Variants in MTMR14 observed in about 807,000 individuals in gnomAD.
MTMR14 encodes myotubularin related protein 14, also known as phosphatidylinositol-3,5-bisphosphate 3-phosphatase MTMR14.
In MTMR14, 48 loss-of-function variants were observed where a neutral mutation model predicts 86.3. The observed-to-expected ratio is 0.56, with a 90% confidence interval of 0.44 to 0.71. The LOEUF is 0.71. Among genes scored for constraint, MTMR14 ranks in the 30% least tolerant of loss-of-function variants. The probability of loss-of-function intolerance (pLI) is 0.00; values close to 1 mark genes in which losing one functional copy is unlikely to be tolerated. For missense variants in MTMR14, 780 were observed against 834.6 expected (o/e 0.93, Z 0.81); for synonymous variants, 366 against 326.1 (o/e 1.12, Z -1.32).
intron 18 of MTMR14, 56 bp downstream of exon 18, chr3:9,697,922 G>A (rs1363469051): frequency 2.5e-6 from 4 of 1,608,760 alleles, no homozygotes; most frequent in African/African-American, 1.3e-5. Flanking sequence ...AAAAGCTGGT[G>A]AGCAGTCAGG....
chr3:9,697,441 C>T (rs765390266), intron 17 of MTMR14, among the ~76,000 whole-genome samples: 1 of 152,154 alleles, frequency 6.6e-6, no homozygotes, highest in African/African-American at 2.4e-5. Flanking sequence ...GCTGTGGCTC[C>T]GATTCACTCT....
rs373260621 is a variant in MTMR14 at position 9,653,605 on chromosome 3, C to A, written c.160-16C>A. 8 of 1,613,936 alleles carry A rather than the reference C, an allele frequency of 5.0e-6. No individual in the cohort carries two copies. In the African/African-American group the frequency reaches 1.1e-4, roughly 22 times the overall value. ...CCCAGAATTCTCTTTGTGTTCTGGT[C>A]TCCTTCTCTGTGCAGGTTGAGCGCA... On this transcript the variant is annotated splice_polypyrimidine_tract_variant and intron_variant, in intron 1 of 18. Coordinates refer to ENST00000296003, the MANE Select transcript of MTMR14 (RefSeq NM_001077525.3).
At chr3:9,684,513 T>A in intron 10 of MTMR14, 72 bp from the exon 11 acceptor site, 1 of 1,475,962 alleles carries the variant, frequency 6.8e-7, no homozygotes. Flanking sequence ...CAGGCCAAGC[T>A]GGTGGTACTT....
At chr3:9,694,111 T>G (rs1008732149) in intron 17 of MTMR14, among the ~76,000 whole-genome samples, 2 of 152,176 alleles carry the variant, frequency 1.3e-5, no homozygotes, top group African/African-American at 4.8e-5. Context: ...TGTGCTTTAC[T>G]CCCGTTGGAG....
At chr3:9,668,688 T>A (rs763916493) in intron 3 of MTMR14, 31 bp from the exon 4 acceptor site, 1 of 1,612,790 alleles carries the variant, frequency 6.2e-7, no homozygotes, top group Non-Finnish European at 8.5e-7. Context: ...CAGAAAACCA[T>A]CTGACCGTGA....
chr3:9,697,004 A>C (rs1261546454), intron 17 of MTMR14, among the ~76,000 whole-genome samples: 1 of 151,958 alleles, frequency 6.6e-6, no homozygotes, highest in African/African-American at 2.4e-5. Flanking sequence ...TTCCCAGCAC[A>C]ACCTTCTTCC....
At chr3:9,658,583 A>G (rs1432818157) in intron 2 of MTMR14, among the ~76,000 whole-genome samples, 1 of 152,214 alleles carries the variant, frequency 6.6e-6, no homozygotes, top group African/African-American at 2.4e-5. Flanking sequence ...GGTTAAAACC[A>G]TGGGCCCAGT....
chr3:9,654,232 C>T (rs1365702326), intron 2 of MTMR14, among the ~76,000 whole-genome samples: 1 of 152,228 alleles, frequency 6.6e-6, no homozygotes, highest in African/African-American at 2.4e-5. Context: ...GGGCAAGTTA[C>T]TTAACTGCTT....
intron 1 of MTMR14, among the ~76,000 whole-genome samples, chr3:9,650,809 A>G (rs1305126425): frequency 6.7e-6 from 1 of 149,218 alleles, no homozygotes; most frequent in Non-Finnish European, 1.5e-5. Flanking sequence ...TTCTTTTGAG[A>G]AGGAGTCTCG....
chr3:9,689,376 T>G (rs567581322), intron 16 of MTMR14, among the ~76,000 whole-genome samples: 2 of 152,138 alleles, frequency 1.3e-5, no homozygotes, highest in East Asian at 3.9e-4. Context: ...GGAGCTCCAT[T>G]TTATCATTTG....
In MTMR14 at chr3:9,662,349, T is replaced by C; in HGVS notation, c.391T>C (p.Cys131Arg). Residue 131 changes from cysteine to arginine, a missense_variant, in exon 3 of 19, where the codon TGC (cysteine) becomes CGC (arginine). By Grantham distance (180) the Cys-to-Arg change is radical. Transcript: ENST00000296003. Reference protein sequence around the residue: ...KMARCRGRFVCPVILFKGKHI... With the variant: ...KMARCRGRFVRPVILFKGKHI... Reference sequence around the variant, plus strand: ...GGCCCGGTGCAGAGGACGGTTTGTCTGCCCAGTAATCCTGTTCAAGGGCAA... The same window carrying C: ...GGCCCGGTGCAGAGGACGGTTTGTCCGCCCAGTAATCCTGTTCAAGGGCAA... 6.2e-7 allele frequency: 1 copy of C among 1,613,840 alleles called. No individual in the cohort carries two copies. The highest frequency in any genetic ancestry group is 1.7e-5 in the Admixed American group (1 of 59,940).
rs773325723 is a variant in MTMR14, at chr3:9,684,693, C to A, written c.1050+23C>A. Reference sequence around the variant, plus strand: ...GCTGTGAGTATGAATCGGCCCCTACCAAGCTCTGCTCTTTGGGTGTGTTAG... The same window carrying A: ...GCTGTGAGTATGAATCGGCCCCTACAAAGCTCTGCTCTTTGGGTGTGTTAG... On this transcript the variant is annotated intron_variant, in intron 11 of 18. Coordinates refer to ENST00000296003, the MANE Select transcript of MTMR14 (RefSeq NM_001077525.3). The A allele has an allele frequency of 5.0e-6, 8 of 1,612,248 alleles. No individual in the cohort carries two copies. In the African/African-American group the frequency reaches 1.1e-4, roughly 22 times the overall value.
chr3:9,653,685 C>G lies in MTMR14; in HGVS notation c.224C>G (p.Pro75Arg), dbSNP rs1191985093. The G allele has an allele frequency of 6.2e-7, 1 of 1,614,120 alleles. No homozygotes were observed. The highest frequency in any genetic ancestry group is 1.3e-5 in the African/African-American group (1 of 75,002). Residue 75 changes from proline (P) to arginine (R), a missense_variant, in exon 2 of 19, where the codon CCA becomes CGA. By Grantham distance (103) the Pro-to-Arg change is moderately radical. Coordinates refer to ENST00000296003, the MANE Select transcript of MTMR14 (RefSeq NM_001077525.3). ...FGRDYCFSVI[P>R]NTNGDICGHY... is the part of the protein sequence containing the mutation. ...CGAGACTACTGTTTCAGCGTGATTCCAAACACGAATGGGGATATCTGTGGC... is the reference window on the plus strand; with the variant it reads ...CGAGACTACTGTTTCAGCGTGATTCGAAACACGAATGGGGATATCTGTGGC...
chr3:9,675,683 T>G (rs1304835057), intron 7 of MTMR14: 2 of 457,268 alleles, frequency 4.4e-6, no homozygotes, highest in Non-Finnish European at 8.8e-6. Context: ...TAATGAACAT[T>G]AGGCATTTGC....
intron 17 of MTMR14, among the ~76,000 whole-genome samples, chr3:9,692,597 T>C (rs2076170012): frequency 6.6e-6 from 1 of 151,568 alleles, no homozygotes; most frequent in African/African-American, 2.4e-5. Context: ...CCTCGGCCTC[T>C]GCTCTGGAGT....
chr3:9,688,113 G>A (rs2076021415), intron 14 of MTMR14, among the ~76,000 whole-genome samples: 2 of 152,204 alleles, frequency 1.3e-5, no homozygotes, highest in Admixed American at 6.5e-5. Context: ...TCAACTTGGA[G>A]TCACACTAGC....
Position 9,686,255 on chromosome 3 carries a change from A to T in MTMR14, c.1164+1008A>T, listed in dbSNP as rs1217744771. 4.6e-5 allele frequency among the ~76,000 whole-genome samples: 7 copies of T among 152,248 alleles called. No homozygotes were observed. The South Asian group carries it at 6.2e-4, about 14-fold the overall frequency. ...CTCCCTCAGAGGCGGTGACTTTGGT[A>T]TTGAAATCAGTGCTTCAAGAAGCCT... is the stretch of plus-strand genomic sequence containing the variant. On this transcript the variant is annotated intron_variant, in intron 13 of 18. Coordinates refer to ENST00000296003, the MANE Select transcript of MTMR14 (RefSeq NM_001077525.3).
At chr3:9,680,735 A>G (rs755556000) in intron 9 of MTMR14, among the ~76,000 whole-genome samples, 60 of 152,246 alleles carry the variant, frequency 3.9e-4, no homozygotes, top group Middle Eastern at 3.4e-3. Flanking sequence ...TACTCGGGAG[A>G]CTGAGGCAGG....
chr3:9,688,605 G>A (rs2125312558), intron 14 of MTMR14, 91 bp from the exon 15 acceptor site: 1 of 1,489,402 alleles, frequency 6.7e-7, no homozygotes, highest in Non-Finnish European at 9.3e-7. Flanking sequence ...AGTGAATTGA[G>A]CTGCTTTCCA....
Sources: gnomAD v4.1 joint callset for allele counts (sites outside exome capture counted in the v4.1 genomes callset) on GRCh38, gnomAD v4.1.1 for gene constraint, MANE v1.5 for transcripts, NCBI Gene and HGNC (gene_info 2026-07-23, HGNC 2026-07-21) for gene names.